The following SERPINB5 variants were observed in gnomAD, a reference collection of about 807,000 sequenced individuals.
SERPINB5 encodes the protein serpin B5.
Under a neutral mutation model 32.2 loss-of-function variants are expected in SERPINB5, and 27 were observed. That is an observed-to-expected ratio of 0.84 (90% CI 0.62 to 1.16). The LOEUF is 1.16. Ranked by LOEUF, SERPINB5 falls within the 50% of genes most tolerant of loss-of-function variation. The pLI is 0.00. For missense variants in SERPINB5, 388 were observed against 436.3 expected, an observed-to-expected ratio of 0.89 and a Z score of 0.99; for synonymous variants, 154 against 157.4, an observed-to-expected ratio of 0.98 and a Z score of 0.16.
At position 63,487,123 on chromosome 18, in the gene SERPINB5, C is replaced by T. The variant is rs370625238; in HGVS notation, c.306+40C>T. On this transcript the variant is annotated intron_variant, in intron 3 of 6. Coordinates refer to ENST00000382771, the MANE Select transcript of SERPINB5 (RefSeq NM_002639.5). ...GCAAGTAGCAAGACTTAACTTTTTA[C>T]AAGGAGTGGCATTTTCATGCTGTTA... 1.3e-5 allele frequency: 20 copies of T among 1,594,948 alleles called. No homozygotes were observed. The African/African-American group carries it at 1.9e-4, about 15-fold the overall frequency.
At chr18:63,484,739 A>ATATTTTTTTTTTTTTTTTTTT (rs1474564506) in intron 2 of SERPINB5, 143 bp downstream of exon 2, 2 of 143,494 alleles carry the variant, frequency 1.4e-5, no homozygotes, top group African/African-American at 1.0e-4. Context: ...GACTCTCTTA[A>ATATTTTTTTTTTTTTTTTTTT]TCTTTTTTTT....
intron 4 of SERPINB5, among the ~76,000 whole-genome samples, chr18:63,489,800 A>C (rs937082766): frequency 6.6e-6 from 1 of 152,206 alleles, no homozygotes; most frequent in Non-Finnish European, 1.5e-5. Flanking sequence ...CAGTCTGGAA[A>C]TAGAGGGACT....
chr18:63,490,178 TGAGA>T (rs943974550), intron 4 of SERPINB5, among the ~76,000 whole-genome samples: 2 of 150,630 alleles, frequency 1.3e-5, no homozygotes, highest in Non-Finnish European at 3.0e-5. Flanking sequence ...GGCGACAGAG[TGAGA>T]CTCTGTCTTA....
chr18:63,489,737 C>T (rs1460724207), intron 4 of SERPINB5, among the ~76,000 whole-genome samples: 1 of 152,198 alleles, frequency 6.6e-6, no homozygotes, highest in Non-Finnish European at 1.5e-5. Context: ...TAGTGGAATC[C>T]TAGCTGCGCC....
intron 4 of SERPINB5, among the ~76,000 whole-genome samples, chr18:63,492,042 AG>A (rs909415042): frequency 1.5e-4 from 23 of 152,220 alleles, no homozygotes; most frequent in African/African-American, 5.5e-4. Flanking sequence ...TCCTTCACAC[AG>A]GGGTCACAGG....
chr18:63,499,206 G>A lies in SERPINB5; in HGVS notation c.654G>A (p.Glu218=), dbSNP rs1297646176. 6.2e-7 allele frequency: 1 copy of A among 1,602,120 alleles called. No homozygotes were observed. The highest frequency in any genetic ancestry group is 8.5e-7 in the Non-Finnish European group (1 of 1,173,962). ...NIDSINCKII[E]LPFQNKHLSM... ...ACAGTATCAATTGTAAGATCATAGA[G>A]CTTCCTTTTCAAAATAAGCATCTCA... The change falls in exon 6 of 7, where the codon GAG becomes GAA. Residue 218 remains glutamate (E), a synonymous_variant. Coordinates refer to ENST00000382771, the MANE Select transcript of SERPINB5 (RefSeq NM_002639.5).
chr18:63,489,540 G>A, intron 4 of SERPINB5, 76 bp downstream of exon 4: 4 of 803,318 alleles, frequency 5.0e-6, no homozygotes, highest in Admixed American at 2.5e-5. Flanking sequence ...TTTGCTCCAA[G>A]GATAAAAAAA....
In SERPINB5 at chr18:63,503,673, A is replaced by C. The variant is rs1451211245; in HGVS notation, c.1079A>C (p.His360Pro). The C allele has an allele frequency of 6.2e-7, 1 of 1,614,124 alleles. No individual in the cohort carries two copies. The highest frequency in any genetic ancestry group is 1.3e-5 in the African/African-American group (1 of 74,948). The change falls in exon 7 of 7, where the codon CAC becomes CCC. Residue 360 changes from histidine to proline, a missense_variant. Physicochemically the swap from His to Pro is moderately conservative, Grantham distance 77 (BLOSUM62 -2). Coordinates refer to ENST00000382771, the MANE Select transcript of SERPINB5 (RefSeq NM_002639.5). Reference sequence around the variant, plus strand: ...CATCCCTTTATTTACATCATCAGGCACAACAAAACTCGAAACATTATTTTC... The same window carrying C: ...CATCCCTTTATTTACATCATCAGGCCCAACAAAACTCGAAACATTATTTTC... The part of the protein sequence containing the change: ...ADHPFIYIIR[H>P]NKTRNIIFFG...
chr18:63,485,322 C>A (rs1167641147), intron 2 of SERPINB5, among the ~76,000 whole-genome samples: 1 of 152,098 alleles, frequency 6.6e-6, no homozygotes, highest in Non-Finnish European at 1.5e-5. Context: ...TCCTCATGTA[C>A]TTTTACATAA....
chr18:63,498,464 C>T lies in SERPINB5; in HGVS notation c.568-656C>T, dbSNP rs12961037. Among the ~76,000 whole-genome samples, 26,068 of 152,080 alleles carry T rather than the reference C, an allele frequency of 0.17. 2,383 individuals carry two copies. The highest frequency in any genetic ancestry group is 0.23 in the African/African-American group (9,637 of 41,464). The stretch of plus-strand genomic sequence containing the variant: ...GAATTTACTTTCAAGTCAGCTCCAC[C>T]AGGAATAGTTTAAAGATCTCATAGG... On this transcript the variant is annotated intron_variant, in intron 5 of 6. Transcript: ENST00000382771. This position sits in a 1 kb window ranked among gnomAD's most constrained non-coding sequence, Gnocchi z 4.2.
Position 63,499,299 on chromosome 18 carries a change from G to C in SERPINB5, c.735+12G>C. 5.2e-6 allele frequency: 8 copies of C among 1,533,196 alleles called. No individual in the cohort carries two copies. Among genetic ancestry groups the C allele is most frequent in the Non-Finnish European group, 6.2e-6 (7 of 1,136,682 alleles). The allele number at this position is 1,533,196 out of a possible 1,614,324, so 95.0% of individuals were successfully genotyped here. A position where few individuals can be genotyped will look rare whatever the true frequency, so the allele number is the denominator to read the frequency against. On this transcript the variant is annotated intron_variant, in intron 6 of 6. Transcript: ENST00000382771. The stretch of plus-strand genomic sequence containing the variant: ...CAGGCTTGGAGAAGGTAAGGAGAAG[G>C]CAGGTGCTCTCCACAAAGGCACCCC...
intron 5 of SERPINB5, among the ~76,000 whole-genome samples, chr18:63,493,954 GGA>G (rs1909396056): frequency 6.6e-6 from 1 of 152,168 alleles, no homozygotes; most frequent in Non-Finnish European, 1.5e-5. Flanking sequence ...TGACATCACT[GGA>G]AGTCATTATG....
intron 2 of SERPINB5, chr18:63,485,839 G>A (rs17768802): frequency 0.37 from 56,717 of 152,778 alleles, 11,823 homozygotes; most frequent in Non-Finnish European, 0.48. Context: ...CTGAGGCTAT[G>A]TAATTCATTG....
chr18:63,491,663 TG>T (rs1308082643), intron 4 of SERPINB5, among the ~76,000 whole-genome samples: 1 of 151,672 alleles, frequency 6.6e-6, no homozygotes, highest in Non-Finnish European at 1.5e-5. Flanking sequence ...TTAGTAGAGA[TG>T]GGGTTTCACC....
intron 1 of SERPINB5, among the ~76,000 whole-genome samples, chr18:63,478,882 CCCA>C (rs1917079797): frequency 6.6e-6 from 1 of 151,914 alleles, no homozygotes; most frequent in Non-Finnish European, 1.5e-5. Flanking sequence ...GTCTCAGCCT[CCCA>C]AGTAGCTGGG....
At chr18:63,483,709 C>T (rs1463636636) in intron 1 of SERPINB5, among the ~76,000 whole-genome samples, 1 of 152,230 alleles carries the variant, frequency 6.6e-6, no homozygotes, top group Non-Finnish European at 1.5e-5. Context: ...ACGGCATGCC[C>T]TTCACACAGG....
At chr18:63,502,536 A>AT (rs1441274269) in intron 6 of SERPINB5, among the ~76,000 whole-genome samples, 2 of 151,996 alleles carry the variant, frequency 1.3e-5, no homozygotes, top group African/African-American at 4.8e-5. Context: ...AAAAAAAAAA[A>AT]GTAACTTTAG....
At chr18:63,491,410 A>ACCC (rs1568110278) in intron 4 of SERPINB5, among the ~76,000 whole-genome samples, 6 of 142,752 alleles carry the variant, frequency 4.2e-5, no homozygotes, top group Admixed American at 6.8e-5. Flanking sequence ...CTCCCAAAAA[A>ACCC]AAAAAAAAAA....
At chr18:63,497,428 C>A in intron 5 of SERPINB5, 2 of 908,290 alleles carry the variant, frequency 2.2e-6, no homozygotes, top group Non-Finnish European at 3.5e-6. Context: ...CTGCCTGTCC[C>A]TGCTGCTGCG....
Sources: allele counts gnomAD v4.1 joint callset (sites outside exome capture counted in the v4.1 genomes callset), GRCh38; gene constraint gnomAD v4.1.1; non-coding constraint Gnocchi (gnomAD v3.1); transcripts MANE v1.5; gene names NCBI Gene and HGNC (gene_info 2026-07-23, HGNC 2026-07-21).